The following MAGI2 variants were observed in gnomAD, a reference collection of about 807,000 sequenced individuals.
MAGI2 encodes the protein membrane associated guanylate kinase, WW and PDZ domain containing 2.
Under a neutral mutation model 133.3 loss-of-function variants are expected in MAGI2, and 35 were observed. That is an observed-to-expected ratio of 0.26 (90% CI 0.20 to 0.35). The LOEUF (loss-of-function observed/expected upper bound fraction) is 0.35. MAGI2 is among the 10% of genes least tolerant of loss of function. The pLI, the probability that MAGI2 is intolerant of heterozygous loss-of-function variation, is 1.00. For missense variants in MAGI2, 1,636 were observed against 1,863.4 expected (o/e 0.88, Z 2.25); for synonymous variants, 729 against 710.6 (o/e 1.03, Z -0.41).
intron 2 of MAGI2, among the ~76,000 whole-genome samples, chr7:78,942,582 G>T (rs1331112313): frequency 2.0e-5 from 3 of 152,096 alleles, no homozygotes; most frequent in Admixed American, 6.6e-5. Context: ...AGGAAGTTGT[G>T]TTGTAAGATT....
At chr7:78,934,399 C>T (rs1800363348) in intron 2 of MAGI2, among the ~76,000 whole-genome samples, 1 of 152,068 alleles carries the variant, frequency 6.6e-6, no homozygotes, top group African/African-American at 2.4e-5. Context: ...CTACCGTGCC[C>T]GGCCAGAACA....
chr7:79,435,733 C>A (rs1053036742), intron 1 of MAGI2, among the ~76,000 whole-genome samples: 1 of 152,006 alleles, frequency 6.6e-6, no homozygotes, highest in Non-Finnish European at 1.5e-5. Flanking sequence ...CTACCAACAT[C>A]ATTTTTCTCA....
chr7:78,380,497 A>G (rs1794823167), intron 6 of MAGI2, among the ~76,000 whole-genome samples: 3 of 152,292 alleles, frequency 2.0e-5, no homozygotes, highest in South Asian at 4.1e-4. Flanking sequence ...CCAGGCACAG[A>G]AAGACAAATG....
intron 2 of MAGI2, among the ~76,000 whole-genome samples, chr7:78,988,349 A>G (rs1278524412): frequency 6.6e-6 from 1 of 152,080 alleles, no homozygotes; most frequent in Non-Finnish European, 1.5e-5. Context: ...CCCAAACCAT[A>G]AATTGGTTTG....
intron 1 of MAGI2, among the ~76,000 whole-genome samples, chr7:79,362,291 C>T (rs997378856): frequency 6.6e-6 from 1 of 152,010 alleles, no homozygotes; most frequent in Non-Finnish European, 1.5e-5. Context: ...TGAACCAATT[C>T]TTCAAAAACT....
intron 20 of MAGI2, among the ~76,000 whole-genome samples, chr7:78,093,671 T>C (rs992878068): frequency 6.6e-6 from 1 of 152,254 alleles, no homozygotes; most frequent in Non-Finnish European, 1.5e-5. Context: ...AACAGATAGC[T>C]AAAGTGATAT....
At chr7:79,229,890 C>T (rs1016622769) in intron 1 of MAGI2, among the ~76,000 whole-genome samples, 1 of 149,874 alleles carries the variant, frequency 6.7e-6, no homozygotes, top group African/African-American at 2.5e-5. Flanking sequence ...GTGCAGTGCA[C>T]CCACTAAATC....
chr7:78,687,995 A>AGG (rs1816543793), intron 2 of MAGI2, among the ~76,000 whole-genome samples: 1 of 131,586 alleles, frequency 7.6e-6, no homozygotes, highest in Non-Finnish European at 1.6e-5. Flanking sequence ...AAAAAAAAAA[A>AGG]AAAAAAGAAA....
intron 14 of MAGI2, among the ~76,000 whole-genome samples, chr7:78,174,814 AG>A (rs1481521553): frequency 1.3e-5 from 2 of 152,144 alleles, no homozygotes; most frequent in Non-Finnish European, 2.9e-5. Flanking sequence ...TGAGGAAGAA[AG>A]GGGGCTGAAG....
intron 2 of MAGI2, among the ~76,000 whole-genome samples, chr7:78,782,264 T>TA (rs1446221969): frequency 6.6e-6 from 1 of 152,162 alleles, no homozygotes; most frequent in Non-Finnish European, 1.5e-5. Context: ...CAGGTCTTAG[T>TA]AAACAAGTGG....
chr7:79,417,541 C>T (rs6971680), intron 1 of MAGI2, among the ~76,000 whole-genome samples: 37,682 of 151,904 alleles, frequency 0.25, 6,697 homozygotes, highest in African/African-American at 0.51. Flanking sequence ...GGACCGATCA[C>T]TTTTCAAACA....
At chr7:78,797,927 G>A (rs1787751827) in intron 2 of MAGI2, among the ~76,000 whole-genome samples, 1 of 152,078 alleles carries the variant, frequency 6.6e-6, no homozygotes, top group Non-Finnish European at 1.5e-5. Flanking sequence ...CATTAATAAT[G>A]TCCATTCTAA....
At chr7:79,000,022 G>A (rs1806702371) in intron 2 of MAGI2, among the ~76,000 whole-genome samples, 1 of 152,194 alleles carries the variant, frequency 6.6e-6, no homozygotes, top group African/African-American at 2.4e-5. Flanking sequence ...GAGGCAATAA[G>A]ATTAATGTAG....
intron 2 of MAGI2, among the ~76,000 whole-genome samples, chr7:78,699,576 C>G (rs10272085): frequency 0.077 from 11,721 of 152,210 alleles, 470 homozygotes; most frequent in African/African-American, 0.098. Flanking sequence ...TCCAAGATCT[C>G]AAATACTTCT....
intron 4 of MAGI2, among the ~76,000 whole-genome samples, chr7:78,511,551 A>ATTT (rs760565213): frequency 1.6e-5 from 2 of 127,900 alleles, no homozygotes; most frequent in Admixed American, 7.8e-5. Context: ...ATATATATAA[A>ATTT]TTTTTTTTTT....
intron 1 of MAGI2, among the ~76,000 whole-genome samples, chr7:79,152,294 A>G (rs973904273): frequency 1.3e-5 from 2 of 152,194 alleles, no homozygotes; most frequent in Non-Finnish European, 2.9e-5. Flanking sequence ...AAAACATTTC[A>G]TCTACTTGAC....
intron 1 of MAGI2, among the ~76,000 whole-genome samples, chr7:79,039,238 G>T (rs1024113256): frequency 6.6e-6 from 1 of 152,102 alleles, no homozygotes; most frequent in African/African-American, 2.4e-5. Flanking sequence ...GCCATGTGAA[G>T]GACATGTTTG....
At chr7:78,352,013 C>T (rs1791570476) in intron 7 of MAGI2, 1 of 152,124 alleles carries the variant, frequency 6.6e-6, no homozygotes, top group South Asian at 2.1e-4. Flanking sequence ...AATTTTTCAC[C>T]TGTAAAGTCA....
intron 2 of MAGI2, among the ~76,000 whole-genome samples, chr7:78,816,077 C>T (rs1279090102): frequency 3.3e-5 from 5 of 152,146 alleles, no homozygotes; most frequent in Non-Finnish European, 7.3e-5. Flanking sequence ...CTCGAGTGAA[C>T]ACAGAAGTGA....
Sources: gnomAD v4.1 joint callset for allele counts (sites outside exome capture counted in the v4.1 genomes callset) on GRCh38, gnomAD v4.1.1 for gene constraint, MANE v1.5 for transcripts, NCBI Gene and HGNC (gene_info 2026-07-23, HGNC 2026-07-21) for gene names.